Variants in CDK5RAP3 observed in about 807,000 individuals in gnomAD.
CDK5RAP3 encodes the protein CDK5 regulatory subunit-associated protein 3.
Under a neutral mutation model 73.3 loss-of-function variants are expected in CDK5RAP3, and 58 were observed. That is an observed-to-expected ratio of 0.79 (90% CI 0.64 to 0.98). CDK5RAP3 has a LOEUF of 0.98. CDK5RAP3 is among the 50% of genes least tolerant of loss of function. The pLI is 0.00. For synonymous variants in CDK5RAP3, 224 were observed against 247.5 expected, an observed-to-expected ratio of 0.91 and a Z score of 0.89; for missense variants, 525 against 615.8, an observed-to-expected ratio of 0.85 and a Z score of 1.56.
intron 11 of CDK5RAP3, 199 bp from the exon 12 acceptor site, chr17:47,980,392 CTG>C: frequency 1.7e-6 from 1 of 595,648 alleles, no homozygotes. Flanking sequence ...CCTCAGCCTC[CTG>C]AGTAGCTGGG....
Position 47,981,192 on chromosome 17 carries a change from A to G in CDK5RAP3, c.1313A>G (p.Gln438Arg), listed in dbSNP as rs1434095258. 30 of 1,614,204 alleles carry G rather than the reference A, an allele frequency of 1.9e-5. No homozygotes were observed. Among genetic ancestry groups the G allele is most frequent in the Non-Finnish European group, 2.5e-5 (30 of 1,180,024 alleles). ...RYVDRVTEFL[Q>R]QKLKQSQLLA... is the part of the protein sequence containing the mutation. Reference sequence around the variant, plus strand: ...GTGGACCGAGTGACTGAATTCCTCCAGCAAAAGCTGAAGCAGTCCCAGCTG... The same window carrying G: ...GTGGACCGAGTGACTGAATTCCTCCGGCAAAAGCTGAAGCAGTCCCAGCTG... The change falls in exon 13 of 14, where the codon CAG becomes CGG. Residue 438 changes from glutamine to arginine, a missense_variant. Physicochemically the swap from Gln to Arg is conservative, Grantham distance 43. This residue lies in a region of CDK5RAP3 where 116 missense variants were observed against 186.1 expected (regional missense o/e 0.62). Coordinates refer to ENST00000338399, the MANE Select transcript of CDK5RAP3 (RefSeq NM_176096.3).
rs769218078 is a variant in CDK5RAP3 at position 47,981,174 on chromosome 17, G to A, written c.1295G>A (p.Arg432Gln). 6.8e-6 allele frequency: 11 copies of A among 1,613,952 alleles called. No homozygotes were observed. The highest frequency in any genetic ancestry group is 5.0e-5 in the Admixed American group (3 of 60,002). Reference protein sequence around the residue: ...MILASPRYVDRVTEFLQQKLK... With the variant: ...MILASPRYVDQVTEFLQQKLK... ...AGTGCCCCGCACAGGTATGTGGACC[G>A]AGTGACTGAATTCCTCCAGCAAAAG... The change falls in exon 13 of 14, where the codon CGA becomes CAA. Residue 432 changes from arginine (R) to glutamine (Q), a missense_variant. Around this residue, in one of 2 missense-constraint regions of CDK5RAP3, gnomAD observed 116 missense variants for 186.1 expected, o/e 0.62. Coordinates refer to ENST00000338399, the MANE Select transcript of CDK5RAP3 (RefSeq NM_176096.3).
Position 47,981,316 on chromosome 17 carries a change from C to T in CDK5RAP3, c.1437C>T (p.Thr479=). 1 of 1,614,190 alleles carries T rather than the reference C, an allele frequency of 6.2e-7. No individual in the cohort carries two copies. The highest frequency in any genetic ancestry group is 1.3e-5 in the African/African-American group (1 of 75,060). Residue 479 remains threonine (T), a synonymous_variant, in exon 13 of 14, where the codon ACC becomes ACT. Transcript: ENST00000338399. ...AGCTGGACCTGCTACTGGAGAAGAC[C>T]AAGGAGCTGCAGAAGCTGGTGAGAT... The part of the protein sequence containing the change: ...EPKLDLLLEK[T]KELQKLIEAD...
At chr17:47,975,117 A>G (rs543173220) in intron 5 of CDK5RAP3, 42 bp from the exon 6 acceptor site, 9 of 1,613,706 alleles carry the variant, frequency 5.6e-6, no homozygotes, top group Non-Finnish European at 7.6e-6. Context: ...TGCCTGCCTC[A>G]TGTGGGGGTG....
chr17:47,973,472 T>G, intron 2 of CDK5RAP3, 47 bp from the exon 3 acceptor site: 1 of 1,595,142 alleles, frequency 6.3e-7, no homozygotes, highest in Non-Finnish European at 8.6e-7. Context: ...TGATGGAATT[T>G]TGGTGATGTG....
upstream of CDK5RAP3, among the ~76,000 whole-genome samples, chr17:47,969,989 T>G (rs1021731387): frequency 1.3e-5 from 2 of 152,148 alleles, no homozygotes; most frequent in Admixed American, 6.5e-5. Flanking sequence ...CCTATACATT[T>G]TCCTCCTAAA....
chr17:47,970,666 T>C, upstream of CDK5RAP3: 1 of 1,535,650 alleles, frequency 6.5e-7, no homozygotes, highest in Non-Finnish European at 8.7e-7. Context: ...GCATGACAAG[T>C]GCCACAAGAG....
In CDK5RAP3 at chr17:47,975,609, A is replaced by C. The variant is rs759568675; in HGVS notation, c.609A>C (p.Glu203Asp). 1.9e-6 allele frequency: 3 copies of C among 1,607,612 alleles called. No homozygotes were observed. The East Asian group carries it at 6.7e-5, about 36-fold the overall frequency. Residue 203 changes from glutamate (E) to aspartate (D), a missense_variant, in exon 7 of 14, where the codon GAA becomes GAC. Around this residue, in one of 2 missense-constraint regions of CDK5RAP3, gnomAD observed 409 missense variants for 429.8 expected, o/e 0.95. Coordinates refer to ENST00000338399, the MANE Select transcript of CDK5RAP3 (RefSeq NM_176096.3). ...IGAAAQQSLG[E>D]AIDVYQASVG... is the part of the protein sequence containing the mutation. Reference sequence around the variant, plus strand: ...CAGCGGCTCAGCAGTCCCTGGGGGAAGCCATTGACGTGTACCAGGCGTCTG... The same window carrying C: ...CAGCGGCTCAGCAGTCCCTGGGGGACGCCATTGACGTGTACCAGGCGTCTG...
intron 10 of CDK5RAP3, chr17:47,978,529 C>T (rs2036476361): frequency 2.7e-6 from 1 of 368,136 alleles, no homozygotes; most frequent in Non-Finnish European, 5.0e-6. Flanking sequence ...GGTGTCTGAG[C>T]CACTAGAGGG....
chr17:47,981,085 C>T, intron 12 of CDK5RAP3, 78 bp from the exon 13 acceptor site: 1 of 1,488,728 alleles, frequency 6.7e-7, no homozygotes, highest in Non-Finnish European at 9.1e-7. Flanking sequence ...TTTCCCGAGC[C>T]TCTCACCTCC....
intron 7 of CDK5RAP3, 97 bp downstream of exon 7, chr17:47,975,750 A>G (rs1373830888): frequency 6.4e-7 from 1 of 1,572,042 alleles, no homozygotes; most frequent in African/African-American, 1.4e-5. Context: ...TAACATTTGA[A>G]CTCTTTACAC....
At position 47,975,184 on chromosome 17, in the gene CDK5RAP3, G is replaced by C; in HGVS notation, c.360G>C (p.Arg120=). The C allele has an allele frequency of 6.2e-7, 1 of 1,614,130 alleles. No individual in the cohort carries two copies. Residue 120 remains arginine (R), a synonymous_variant, in exon 6 of 14, where the codon CGG becomes CGC. Coordinates refer to ENST00000338399, the MANE Select transcript of CDK5RAP3 (RefSeq NM_176096.3). ...YLVELSSLLV[R]NVNYEIPSLK... Reference sequence around the variant, plus strand: ...TGGAACTCTCTAGCCTCCTGGTTCGGAATGTCAACTATGAGATCCCCTCAC... The same window carrying C: ...TGGAACTCTCTAGCCTCCTGGTTCGCAATGTCAACTATGAGATCCCCTCAC...
chr17:47,977,970 T>C, intron 10 of CDK5RAP3, 60 bp downstream of exon 10: 1 of 1,337,144 alleles, frequency 7.5e-7, no homozygotes, highest in Admixed American at 1.9e-5. Context: ...CCCCCACGTG[T>C]CTAGAAACAA....
At position 47,976,862 on chromosome 17, in the gene CDK5RAP3, C is replaced by T. The variant is rs1474701177; in HGVS notation, c.909+40C>T. ...TCAGTCTGTCTCTCTCTGATCACTA[C>T]TCTAACCATAAGAAAAGTGTCATTT... On this transcript the variant is annotated intron_variant, in intron 9 of 13. Transcript: ENST00000338399. The T allele has an allele frequency of 2.4e-6, 3 of 1,270,634 alleles. No homozygotes were observed. In the African/African-American group the frequency reaches 4.5e-5, roughly 19 times the overall value. The allele number at this position is 1,270,634 out of a possible 1,614,324, so 78.7% of individuals were successfully genotyped here. A position where few individuals can be genotyped will look rare whatever the true frequency, so the allele number is the denominator to read the frequency against.
chr17:47,975,743 C>T lies in CDK5RAP3; in HGVS notation c.653+90C>T, dbSNP rs559597619. ...CTCCAGTTGTCTTGTTCCCATATAA[C>T]ATTTGAACTCTTTACACACCTGAAC... is the stretch of plus-strand genomic sequence containing the variant. On this transcript the variant is annotated intron_variant, in intron 7 of 13. Transcript: ENST00000338399. The T allele has an allele frequency of 4.7e-5, 74 of 1,570,554 alleles. No homozygotes were observed. In the African/African-American group the frequency reaches 9.3e-4, roughly 20 times the overall value.
intron 1 of CDK5RAP3, 35 bp from the exon 2 acceptor site, chr17:47,971,327 G>C: frequency 6.2e-7 from 1 of 1,601,888 alleles, no homozygotes. Flanking sequence ...CTCTCTCCGC[G>C]CTCACGCCCC....
intron 4 of CDK5RAP3, 72 bp downstream of exon 4, chr17:47,974,103 C>A: frequency 2.0e-6 from 2 of 1,016,098 alleles, no homozygotes; most frequent in Non-Finnish European, 3.1e-6. Flanking sequence ...CCTCTGTGGT[C>A]TCTCTGAGGC....
rs1021627291 is a variant in CDK5RAP3 at position 47,971,131 on chromosome 17, C to T, written c.-16C>T. 11 of 1,551,004 alleles carry T rather than the reference C, an allele frequency of 7.1e-6. No homozygotes were observed. The highest frequency in any genetic ancestry group is 2.7e-5 in the African/African-American group (2 of 73,088). Reference sequence around the variant, plus strand: ...GCGGGCCACAGTCTCCAGCCTGAAGCGGAAGTGGAGGAAAGATGGAGGTGT... The same window carrying T: ...GCGGGCCACAGTCTCCAGCCTGAAGTGGAAGTGGAGGAAAGATGGAGGTGT... On this transcript the variant is annotated 5_prime_UTR_variant, in exon 1 of 14. Coordinates refer to ENST00000338399, the MANE Select transcript of CDK5RAP3 (RefSeq NM_176096.3).
At chr17:47,975,701 C>T in intron 7 of CDK5RAP3, 48 bp downstream of exon 7, 1 of 1,571,584 alleles carries the variant, frequency 6.4e-7, no homozygotes, top group Non-Finnish European at 8.6e-7. Context: ...GCCTGTGTTC[C>T]CCAGCTCATG....
Sources: allele counts gnomAD v4.1 joint callset (sites outside exome capture counted in the v4.1 genomes callset), GRCh38; gene constraint gnomAD v4.1.1; regional missense constraint gnomAD v4.1.1; transcripts MANE v1.5; gene names NCBI Gene and HGNC (gene_info 2026-07-23, HGNC 2026-07-21).